The following HIVEP2 variants were observed in gnomAD, a reference collection of about 807,000 sequenced individuals.
The protein encoded by HIVEP2 is HIVEP zinc finger 2.
HIVEP2 carries 14 observed loss-of-function variants against 180.7 expected under a neutral mutation model. That is an observed-to-expected ratio of 0.08 (90% CI 0.05 to 0.12). HIVEP2 has a LOEUF of 0.12. HIVEP2 is among the 10% of genes least tolerant of loss of function. The pLI is 1.00. For synonymous variants in HIVEP2, 1,184 were observed against 1,136.4 expected, an observed-to-expected ratio of 1.04 and a Z score of -0.84; for missense variants, 2,579 against 3,008.5, an observed-to-expected ratio of 0.86 and a Z score of 3.34.
At chr6:142,763,141 C>A (rs1177496156) in intron 7 of HIVEP2, among the ~76,000 whole-genome samples, 4 of 152,198 alleles carry the variant, frequency 2.6e-5, no homozygotes. Context: ...GCTTTAGACT[C>A]CCATCTTCAG....
intron 1 of HIVEP2, among the ~76,000 whole-genome samples, chr6:142,895,746 A>G: frequency 6.6e-6 from 1 of 152,208 alleles, no homozygotes. Context: ...ATTTATTTCA[A>G]TGTGTAGCAG....
chr6:142,841,027 C>T (rs1211251816), intron 1 of HIVEP2, among the ~76,000 whole-genome samples: 1 of 151,892 alleles, frequency 6.6e-6, no homozygotes, highest in African/African-American at 2.4e-5. Context: ...TGTCTTTCAC[C>T]TCTAATATAA....
chr6:142,798,909 T>A (rs1477874746), intron 2 of HIVEP2, among the ~76,000 whole-genome samples: 1 of 152,198 alleles, frequency 6.6e-6, no homozygotes, highest in Non-Finnish European at 1.5e-5. Context: ...TAAAATGTCA[T>A]AAAATATTGG....
chr6:142,817,668 G>A (rs1776878763), intron 2 of HIVEP2, among the ~76,000 whole-genome samples: 1 of 152,182 alleles, frequency 6.6e-6, no homozygotes, highest in Admixed American at 6.5e-5. Context: ...AGTAGGAAGT[G>A]AAGATAAGAA....
At chr6:142,794,446 G>C (rs1309883178) in intron 2 of HIVEP2, among the ~76,000 whole-genome samples, 1 of 152,170 alleles carries the variant, frequency 6.6e-6, no homozygotes, top group East Asian at 1.9e-4. Context: ...CTCTGAATAT[G>C]TGCCTTTTCC....
chr6:142,784,508 G>A (rs1775936094), intron 2 of HIVEP2, among the ~76,000 whole-genome samples: 1 of 152,112 alleles, frequency 6.6e-6, no homozygotes, highest in Non-Finnish European at 1.5e-5. Flanking sequence ...GACACCCTGT[G>A]CACTTGAGAC....
chr6:142,826,015 A>G (rs1047526798), intron 2 of HIVEP2, among the ~76,000 whole-genome samples: 3 of 152,180 alleles, frequency 2.0e-5, no homozygotes, highest in Admixed American at 2.0e-4. Context: ...ATCTTCATCC[A>G]CTAGTTTGCT....
At chr6:142,911,194 G>A (rs188355722) in intron 1 of HIVEP2, among the ~76,000 whole-genome samples, 1 of 148,340 alleles carries the variant, frequency 6.7e-6, no homozygotes, top group Admixed American at 6.7e-5. Context: ...TTTCAGGGGA[G>A]CCCAGTGAAT....
At chr6:142,832,346 G>A (rs1775111169) in intron 2 of HIVEP2, among the ~76,000 whole-genome samples, 1 of 151,990 alleles carries the variant, frequency 6.6e-6, no homozygotes, top group Non-Finnish European at 1.5e-5. Flanking sequence ...AATTTACAGT[G>A]CAGGCATATG....
chr6:142,925,790 T>G (rs554537999), intron 1 of HIVEP2, among the ~76,000 whole-genome samples: 17 of 152,322 alleles, frequency 1.1e-4, no homozygotes, highest in African/African-American at 3.8e-4. Context: ...ATGTTCCAAT[T>G]TGGAATGATT....
intron 2 of HIVEP2, among the ~76,000 whole-genome samples, chr6:142,832,802 T>C (rs775527781): frequency 2.0e-5 from 3 of 152,204 alleles, no homozygotes; most frequent in Non-Finnish European, 2.9e-5. Flanking sequence ...AGGGAAGTGA[T>C]TGGGTAAACT....
At position 142,753,945 on chromosome 6, in the gene HIVEP2, C is replaced by G. The variant is rs1278972106; in HGVS notation, c.6517-14G>C. The stretch of plus-strand genomic sequence containing the variant: ...TCTTCTTAAATTCTGCGCAGAGAAA[C>G]AAAGAGAGCACAAAATTCAGAGCCT... On this transcript the variant is annotated splice_polypyrimidine_tract_variant and intron_variant, in intron 9 of 9. Transcript: ENST00000367603. 1 of 1,412,160 alleles carries G rather than the reference C, an allele frequency of 7.1e-7. No homozygotes were observed. Among genetic ancestry groups the G allele is most frequent in the Non-Finnish European group, 9.8e-7 (1 of 1,022,448 alleles). 87.5% of individuals were successfully genotyped at this position (1,412,160 alleles called of 1,614,324 possible).
At chr6:142,894,931 A>G (rs1469634724) in intron 1 of HIVEP2, among the ~76,000 whole-genome samples, 1 of 152,204 alleles carries the variant, frequency 6.6e-6, no homozygotes, top group East Asian at 1.9e-4. Flanking sequence ...ACCAGTAGAA[A>G]ATCATCTTGG....
In HIVEP2 at chr6:142,810,481, G is replaced by A. The variant is rs117464813; in HGVS notation, c.-528+26454C>T. Among the ~76,000 whole-genome samples the A allele has an allele frequency of 7.5e-3, 1,146 of 152,234 alleles. 13 individuals carry two copies. The highest frequency in any genetic ancestry group is 0.011 in the Non-Finnish European group (777 of 68,018). ...TTATAGAAAAACATGCAAAATATTA[G>A]GCTAGGTTCAGTGGCTCATGCCTGT... On this transcript the variant is annotated intron_variant, in intron 2 of 9. Transcript: ENST00000367603.
chr6:142,866,487 G>A (rs1582925567), intron 1 of HIVEP2, among the ~76,000 whole-genome samples: 1 of 151,840 alleles, frequency 6.6e-6, no homozygotes, highest in Admixed American at 6.6e-5. Flanking sequence ...AAATTTTCTT[G>A]TAGCGTTAGG....
Position 142,759,858 on chromosome 6 carries a change from G to A in HIVEP2, c.6430C>T (p.Pro2144Ser). ...TGGTATAAAGCCCTTCTGGGAGATG[G>A]CGCTCTTATTGTGGTCATGTATCTT... ...ERRYMTTIRA[P>S]SPRRALYHNP... Residue 2144 changes from proline to serine, a missense_variant, in exon 9 of 10, where the codon CCA becomes TCA. Coordinates refer to ENST00000367603, the MANE Select transcript of HIVEP2 (RefSeq NM_006734.4). 2 of 1,614,068 alleles carry A rather than the reference G, an allele frequency of 1.2e-6. No individual in the cohort carries two copies. Among genetic ancestry groups the A allele is most frequent in the African/African-American group, 1.3e-5 (1 of 75,012 alleles).
intron 2 of HIVEP2, among the ~76,000 whole-genome samples, chr6:142,793,269 A>T (rs1776184921): frequency 6.6e-6 from 1 of 152,152 alleles, no homozygotes. Flanking sequence ...ATCTCTCATA[A>T]TTCTACATAA....
intron 1 of HIVEP2, among the ~76,000 whole-genome samples, chr6:142,913,899 G>A (rs986487672): frequency 6.6e-5 from 10 of 152,248 alleles, no homozygotes; most frequent in East Asian, 1.9e-4. Context: ...CTGATCAGCC[G>A]GATCACCAGC....
intron 1 of HIVEP2, among the ~76,000 whole-genome samples, chr6:142,892,916 T>C (rs903840545): frequency 1.3e-5 from 2 of 152,188 alleles, no homozygotes; most frequent in African/African-American, 4.8e-5. Flanking sequence ...CATTCCATCG[T>C]ACCAAAAAGG....
Sources: allele counts gnomAD v4.1 joint callset (sites outside exome capture counted in the v4.1 genomes callset), GRCh38; gene constraint gnomAD v4.1.1; transcripts MANE v1.5; gene names NCBI Gene and HGNC (gene_info 2026-07-23, HGNC 2026-07-21).